Variants in CFAP97 observed in about 807,000 individuals in gnomAD.
The protein encoded by CFAP97 is cilia- and flagella-associated protein 97.
CFAP97 carries 36 observed loss-of-function variants against 43.1 expected under a neutral mutation model. The ratio of observed to expected loss-of-function variants is 0.84; its 90% CI spans 0.64 to 1.10. The LOEUF (loss-of-function observed/expected upper bound fraction) is 1.10, where lower values mean the gene tolerates loss of function less well. CFAP97 is among the 50% of genes least tolerant of loss of function. CFAP97 has a pLI of 0.00. For synonymous variants in CFAP97, 228 were observed against 225.7 expected, an observed-to-expected ratio of 1.01 and a Z score of -0.09; for missense variants, 657 against 620.3, an observed-to-expected ratio of 1.06 and a Z score of -0.63.
At chr4:185,189,549 A>T (rs1736140162) in intron 2 of CFAP97, among the ~76,000 whole-genome samples, 1 of 152,228 alleles carries the variant, frequency 6.6e-6, no homozygotes. Context: ...AATATAAATA[A>T]TAATAAACTG....
intron 2 of CFAP97, among the ~76,000 whole-genome samples, chr4:185,186,010 T>C (rs972789523): frequency 6.6e-6 from 1 of 152,170 alleles, no homozygotes; most frequent in African/African-American, 2.4e-5. Context: ...AAACCAGGCA[T>C]AGGTAAAATA....
At chr4:185,167,013 A>T (rs1735096959) in intron 3 of CFAP97, among the ~76,000 whole-genome samples, 1 of 152,064 alleles carries the variant, frequency 6.6e-6, no homozygotes, top group African/African-American at 2.4e-5. Flanking sequence ...CTCATCAGCT[A>T]TGGTTAGCAT....
At chr4:185,181,993 A>G (rs1735810642) in intron 2 of CFAP97, among the ~76,000 whole-genome samples, 1 of 152,212 alleles carries the variant, frequency 6.6e-6, no homozygotes, top group South Asian at 2.1e-4. Context: ...TTCTTTGCTC[A>G]TCAATGCTTC....
chr4:185,201,251 A>G (rs1736810700), intron 1 of CFAP97, among the ~76,000 whole-genome samples: 1 of 150,004 alleles, frequency 6.7e-6, no homozygotes, highest in Non-Finnish European at 1.5e-5. Context: ...TCTTGAACCC[A>G]GGAAGCGGAG....
chr4:185,209,893 G>C (rs1180437935), upstream of CFAP97: 4 of 983,222 alleles, frequency 4.1e-6, no homozygotes, highest in Non-Finnish European at 4.8e-6. The surrounding 1 kb of genome is among the most constrained non-coding windows in gnomAD (Gnocchi z 5.2). Context: ...AGGCGCCGGC[G>C]GCCGTCCTGT....
At chr4:185,180,206 T>C (rs1488785757) in intron 2 of CFAP97, among the ~76,000 whole-genome samples, 5 of 152,190 alleles carry the variant, frequency 3.3e-5, no homozygotes, top group Admixed American at 6.5e-5. Flanking sequence ...TGAGCACTCA[T>C]ATTTAGCATA....
At chr4:185,198,789 C>CAAAAAAAAA (rs58603330) in intron 1 of CFAP97, among the ~76,000 whole-genome samples, 2 of 124,292 alleles carry the variant, frequency 1.6e-5, no homozygotes, top group Non-Finnish European at 3.4e-5. Context: ...AACTCCATCT[C>CAAAAAAAAA]AAAAAAAAGA....
intron 2 of CFAP97, among the ~76,000 whole-genome samples, chr4:185,185,276 G>A (rs1196602990): frequency 6.6e-6 from 1 of 151,950 alleles, no homozygotes; most frequent in Non-Finnish European, 1.5e-5. Flanking sequence ...GAAGAGCAAT[G>A]CAGCAATAGA....
At chr4:185,169,929 T>C (rs1319056106) in intron 3 of CFAP97, 6 of 999,126 alleles carry the variant, frequency 6.0e-6, no homozygotes, top group Non-Finnish European at 7.2e-6. Flanking sequence ...TATTTCAAGA[T>C]CTTAGAACAA....
At chr4:185,194,082 G>A (rs565696101) in intron 1 of CFAP97, among the ~76,000 whole-genome samples, 43 of 152,288 alleles carry the variant, frequency 2.8e-4, no homozygotes, top group Admixed American at 2.8e-3. Context: ...CCCCACTGAT[G>A]GGTATATGTA....
intron 1 of CFAP97, among the ~76,000 whole-genome samples, chr4:185,197,102 T>TAAAAAA (rs60986571): frequency 3.4e-4 from 29 of 86,478 alleles, no homozygotes; most frequent in African/African-American, 5.8e-4. Context: ...CCCTCTTAAT[T>TAAAAAA]AAAAAAAAAA....
upstream of CFAP97, chr4:185,210,242 G>A: frequency 1.0e-6 from 1 of 984,924 alleles, no homozygotes; most frequent in Middle Eastern, 5.2e-4. The surrounding 1 kb of genome is among the most constrained non-coding windows in gnomAD (Gnocchi z 4.4). Flanking sequence ...TCAGCCGCCC[G>A]CCGCCCGCCG....
At position 185,181,875 on chromosome 4, in the gene CFAP97, C is replaced by G. The variant is rs557687026; in HGVS notation, c.1055-5824G>C. On this transcript the variant is annotated intron_variant, in intron 2 of 4. Coordinates refer to ENST00000458385, the MANE Select transcript of CFAP97 (RefSeq NM_020827.3). ...TGCTGGTAGCTAATCTCAGTATGGG[C>G]ATCTCCTTTCTTATGGAGCATAACA... Among the ~76,000 whole-genome samples, 3 of 152,296 alleles carry G rather than the reference C, an allele frequency of 2.0e-5. No homozygotes were observed. The East Asian group carries it at 5.8e-4, about 29-fold the overall frequency.
Position 185,190,532 on chromosome 4 carries a change from TTG to T in CFAP97, c.663_664del (p.His221GlnfsTer3). On this transcript the variant is annotated frameshift_variant, in exon 2 of 5. Coordinates refer to ENST00000458385, the MANE Select transcript of CFAP97 (RefSeq NM_020827.3). LOFTEE classifies it high-confidence loss of function. ...TGTCGATTTTATTCCTGATTTATAC[TTG>T]TGTTTTGGTGACAGGAGGGTTATAC... 6.2e-7 allele frequency: 1 copy of T among 1,613,944 alleles called. No homozygotes were observed. Among genetic ancestry groups the T allele is most frequent in the Non-Finnish European group, 8.5e-7 (1 of 1,179,866 alleles).
At chr4:185,166,687 T>C (rs758587268) in intron 3 of CFAP97, among the ~76,000 whole-genome samples, 1 of 152,094 alleles carries the variant, frequency 6.6e-6, no homozygotes, top group Non-Finnish European at 1.5e-5. Context: ...TGCAGAAACT[T>C]AGGGAAATAA....
upstream of CFAP97, among the ~76,000 whole-genome samples, chr4:185,205,798 C>T (rs111416732): frequency 0.029 from 4,392 of 152,288 alleles, 95 homozygotes; most frequent in Middle Eastern, 0.1. Context: ...CATTGTACTC[C>T]AGCCTGGGCG....
At chr4:185,186,358 G>A (rs759825470) in intron 2 of CFAP97, among the ~76,000 whole-genome samples, 2 of 152,216 alleles carry the variant, frequency 1.3e-5, no homozygotes, top group South Asian at 2.1e-4. Flanking sequence ...GCTTGAACCC[G>A]GGAGGCAGAG....
intron 2 of CFAP97, among the ~76,000 whole-genome samples, chr4:185,188,326 T>C (rs1455903202): frequency 6.6e-6 from 1 of 150,962 alleles, no homozygotes; most frequent in Non-Finnish European, 1.5e-5. Context: ...TGGCTTCATA[T>C]ATATATATAC....
At position 185,160,976 on chromosome 4, in the gene CFAP97, T is replaced by A. The variant is rs1031810439; in HGVS notation, c.*1822A>T. Reference sequence around the variant, plus strand: ...TCTGGAACAACTTAAAAATCAATTTTAAAAAAACTGATTAATTCACTATTG... The same window carrying A: ...TCTGGAACAACTTAAAAATCAATTTAAAAAAAACTGATTAATTCACTATTG... On this transcript the variant is annotated 3_prime_UTR_variant, in exon 5 of 5. Transcript: ENST00000458385. The A allele has an allele frequency of 2.7e-5, 4 of 150,106 alleles. No individual in the cohort carries two copies. The highest frequency in any genetic ancestry group is 1.9e-4 in the East Asian group (1 of 5,186). The allele number at this position is 150,106 out of a possible 1,614,324, so 9.3% of individuals were successfully genotyped here. A position where few individuals can be genotyped will look rare whatever the true frequency, so the allele number is the denominator to read the frequency against.
Sources: allele counts gnomAD v4.1 joint callset (sites outside exome capture counted in the v4.1 genomes callset), GRCh38; gene constraint gnomAD v4.1.1; non-coding constraint Gnocchi (gnomAD v3.1); transcripts MANE v1.5; gene names NCBI Gene and HGNC (gene_info 2026-07-23, HGNC 2026-07-21).